RBFOX1: variants seen among roughly 807,000 people sequenced by gnomAD.
RBFOX1 encodes RNA binding protein fox-1 homolog 1.
Under a neutral mutation model 57.7 loss-of-function variants are expected in RBFOX1, and 8 were observed. That is an observed-to-expected ratio of 0.14 (90% CI 0.08 to 0.25). The LOEUF is 0.25. Ranked by LOEUF, RBFOX1 falls within the 10% of genes least tolerant of loss-of-function variation. The pLI is 1.00. For missense variants in RBFOX1, 611 were observed against 548.5 expected (o/e 1.11, Z -1.14); for synonymous variants, 326 against 222.4 (o/e 1.47, Z -4.15).
intron 3 of RBFOX1, among the ~76,000 whole-genome samples, chr16:7,037,935 C>T (rs1440191928): frequency 6.6e-6 from 1 of 152,150 alleles, no homozygotes; most frequent in Non-Finnish European, 1.5e-5. Context: ...AAATTATCAA[C>T]TTCTGATAAA....
At chr16:5,970,424 A>C (rs1255859195) in intron 4 of RBFOX1, among the ~76,000 whole-genome samples, 1 of 152,066 alleles carries the variant, frequency 6.6e-6, no homozygotes, top group East Asian at 1.9e-4. Flanking sequence ...TTTGGGATTA[A>C]AACCAAGGCA....
chr16:7,510,070 C>G (rs1444730822), intron 4 of RBFOX1: 2 of 892,012 alleles, frequency 2.2e-6, no homozygotes, highest in African/African-American at 3.6e-5. Flanking sequence ...GATTGATGGG[C>G]CAGGCCTTCC....
chr16:6,636,405 C>T (rs540378371), intron 2 of RBFOX1, among the ~76,000 whole-genome samples: 62 of 152,098 alleles, frequency 4.1e-4, no homozygotes, highest in African/African-American at 1.3e-3. Flanking sequence ...CTCCTGACTT[C>T]GTGATCAGCC....
At chr16:6,975,993 G>T (rs1329274017) in intron 3 of RBFOX1, among the ~76,000 whole-genome samples, 3 of 152,066 alleles carry the variant, frequency 2.0e-5, no homozygotes, top group Admixed American at 1.3e-4. Flanking sequence ...CAGGCATGGT[G>T]GTGGGCGCCT....
chr16:7,619,073 G>A (rs1027234693), intron 10 of RBFOX1, among the ~76,000 whole-genome samples: 5 of 152,038 alleles, frequency 3.3e-5, no homozygotes, highest in Admixed American at 6.5e-5. Context: ...TAATGCCAAC[G>A]GCTGTTATTT....
chr16:5,561,074 A>G (rs1164583481), intron 2 of RBFOX1, among the ~76,000 whole-genome samples: 1 of 152,160 alleles, frequency 6.6e-6, no homozygotes, highest in East Asian at 1.9e-4. Context: ...TCCCAAATGG[A>G]TTCCCTCTGT....
intron 3 of RBFOX1, among the ~76,000 whole-genome samples, chr16:6,979,205 AG>A (rs2087949535): frequency 1.3e-5 from 2 of 152,148 alleles, no homozygotes; most frequent in African/African-American, 4.8e-5. Flanking sequence ...TAAATCCCCA[AG>A]TCTCAGTTTT....
chr16:7,025,036 C>CGAGA (rs2040472838), intron 3 of RBFOX1, among the ~76,000 whole-genome samples: 1 of 152,138 alleles, frequency 6.6e-6, no homozygotes, highest in African/African-American at 2.4e-5. Context: ...AGAGCGTTCT[C>CGAGA]AGATCTCCCG....
At chr16:5,262,776 T>C (rs1314660539) in intron 1 of RBFOX1, among the ~76,000 whole-genome samples, 1 of 152,164 alleles carries the variant, frequency 6.6e-6, no homozygotes, top group Non-Finnish European at 1.5e-5. Flanking sequence ...GATGGGGAGT[T>C]TGGATTTCAC....
chr16:7,062,613 C>G (rs2054726765), intron 4 of RBFOX1, among the ~76,000 whole-genome samples: 1 of 152,100 alleles, frequency 6.6e-6, no homozygotes, highest in Non-Finnish European at 1.5e-5. Context: ...AACACCTGTC[C>G]CTAGCCAACA....
intron 3 of RBFOX1, among the ~76,000 whole-genome samples, chr16:6,932,689 C>G (rs1017848998): frequency 3.3e-5 from 5 of 152,146 alleles, no homozygotes. Flanking sequence ...AAACACATGT[C>G]TCTACTTTCA....
chr16:5,693,017 C>T (rs1031976479), intron 3 of RBFOX1, among the ~76,000 whole-genome samples: 1 of 152,214 alleles, frequency 6.6e-6, no homozygotes, highest in Non-Finnish European at 1.5e-5. Flanking sequence ...CCCCCCAGCT[C>T]TGGATGTCAA....
chr16:6,355,802 T>TCCTGACTTTTTAATGTTC (rs2087203388), intron 2 of RBFOX1, among the ~76,000 whole-genome samples: 1 of 152,224 alleles, frequency 6.6e-6, no homozygotes, highest in Non-Finnish European at 1.5e-5. Context: ...TTCTTTTGTT[T>TCCTGACTTTTTAATGTTC]CCTGACTTTT....
chr16:5,301,196 T>C (rs1052414089), intron 1 of RBFOX1, among the ~76,000 whole-genome samples: 4 of 152,176 alleles, frequency 2.6e-5, no homozygotes, highest in African/African-American at 9.7e-5. Flanking sequence ...ATTTGCTTGT[T>C]CTAATGGAAG....
chr16:6,995,057 G>A (rs2092052075), intron 3 of RBFOX1, among the ~76,000 whole-genome samples: 1 of 151,692 alleles, frequency 6.6e-6, no homozygotes. Flanking sequence ...TAATTATTGT[G>A]ACTAAAACTC....
chr16:6,812,902 G>A (rs536477209), intron 3 of RBFOX1, among the ~76,000 whole-genome samples: 3 of 152,248 alleles, frequency 2.0e-5, no homozygotes, highest in African/African-American at 7.2e-5. Flanking sequence ...TCAGAGTGAC[G>A]ATGTTTCTAG....
At chr16:7,218,844 G>T (rs1020747779) in intron 4 of RBFOX1, among the ~76,000 whole-genome samples, 5 of 151,956 alleles carry the variant, frequency 3.3e-5, no homozygotes, top group African/African-American at 1.2e-4. Context: ...CTACATTTTG[G>T]TGGACTTGCA....
At position 7,405,937 on chromosome 16, in the gene RBFOX1, G is replaced by C. The variant is rs539750202; in HGVS notation, c.28-112210G>C. Among the ~76,000 whole-genome samples, 5 of 152,248 alleles carry C rather than the reference G, an allele frequency of 3.3e-5. No homozygotes were observed. The South Asian group carries it at 1.0e-3, about 32-fold the overall frequency. ...GTCCAGAGACATTTTTAGTTGTCAC[G>C]ACTGGGCAGTTGAGGGATGCAACTG... On this transcript the variant is annotated intron_variant, in intron 4 of 15. Coordinates refer to ENST00000550418, the MANE Select transcript of RBFOX1 (RefSeq NM_018723.4).
intron 2 of RBFOX1, among the ~76,000 whole-genome samples, chr16:6,617,900 G>T (rs572770031): frequency 6.6e-6 from 1 of 152,250 alleles, no homozygotes; most frequent in South Asian, 2.1e-4. Flanking sequence ...GTGTCTGGGG[G>T]CAGGGGTAAC....
Sources: allele counts gnomAD v4.1 joint callset (sites outside exome capture counted in the v4.1 genomes callset), GRCh38; gene constraint gnomAD v4.1.1; transcripts MANE v1.5; gene names NCBI Gene and HGNC (gene_info 2026-07-23, HGNC 2026-07-21).